BTC: variants seen among roughly 807,000 people sequenced by gnomAD.
BTC encodes probetacellulin.
BTC carries 13 observed loss-of-function variants against 18.1 expected under a neutral mutation model. That is an observed-to-expected ratio of 0.72 (90% CI 0.47 to 1.14). The LOEUF (loss-of-function observed/expected upper bound fraction) is 1.14. Among genes scored for constraint, BTC ranks in the 50% most tolerant of loss-of-function variants. The pLI is 0.00. For synonymous variants in BTC, 83 were observed against 79.4 expected (o/e 1.05, Z -0.24); for missense variants, 247 against 224.2 (o/e 1.10, Z -0.65).
intron 2 of BTC, among the ~76,000 whole-genome samples, chr4:74,767,970 G>C (rs1724944496): frequency 6.6e-6 from 1 of 152,038 alleles, no homozygotes; most frequent in African/African-American, 2.4e-5. Flanking sequence ...ATTGGTTTTG[G>C]CAATGATTTC....
chr4:74,777,977 C>G (rs556663004), intron 1 of BTC, among the ~76,000 whole-genome samples: 1 of 151,856 alleles, frequency 6.6e-6, no homozygotes, highest in African/African-American at 2.4e-5. Context: ...CTTAAATATG[C>G]ATACTATACA....
intron 1 of BTC, among the ~76,000 whole-genome samples, chr4:74,790,591 T>A (rs976797224): frequency 6.6e-6 from 1 of 152,116 alleles, no homozygotes; most frequent in Admixed American, 6.5e-5. Flanking sequence ...TGTCACCCCT[T>A]CTCCATCTGC....
At chr4:74,747,776 A>C (rs782080336) in intron 5 of BTC, among the ~76,000 whole-genome samples, 1 of 152,188 alleles carries the variant, frequency 6.6e-6, no homozygotes, top group South Asian at 2.1e-4. Context: ...TCCTGTGCCC[A>C]AAAATGAGAA....
chr4:74,761,209 G>A (rs1724748814), intron 2 of BTC, among the ~76,000 whole-genome samples: 1 of 152,048 alleles, frequency 6.6e-6, no homozygotes, highest in African/African-American at 2.4e-5. Flanking sequence ...GGAGGCAAAT[G>A]AAAATGAAGG....
intron 1 of BTC, among the ~76,000 whole-genome samples, chr4:74,784,636 G>C (rs1013015953): frequency 2.6e-5 from 4 of 152,078 alleles, no homozygotes; most frequent in African/African-American, 7.2e-5. Context: ...TAACACGAAG[G>C]GATGTTGAAT....
intron 2 of BTC, among the ~76,000 whole-genome samples, chr4:74,765,447 A>G (rs1454750178): frequency 6.6e-6 from 1 of 152,142 alleles, no homozygotes. Flanking sequence ...GAGCAAAAAG[A>G]ATAAAAAGAA....
intron 1 of BTC, among the ~76,000 whole-genome samples, chr4:74,786,807 A>G (rs1254948812): frequency 1.3e-5 from 2 of 152,140 alleles, no homozygotes; most frequent in African/African-American, 2.4e-5. Context: ...TCAATACAAA[A>G]CATGAGAAAT....
At chr4:74,766,867 A>C (rs1415296670) in intron 2 of BTC, among the ~76,000 whole-genome samples, 1 of 152,034 alleles carries the variant, frequency 6.6e-6, no homozygotes, top group Non-Finnish European at 1.5e-5. Flanking sequence ...ATTTTGACAA[A>C]ATTCAACACC....
Position 74,750,708 on chromosome 4 carries a change from C to A in BTC, c.293G>T (p.Gly98Val), listed in dbSNP as rs1186352394. Residue 98 changes from glycine to valine, a missense_variant, in exon 4 of 6, where the codon GGC becomes GTC. Gly to Val is a moderately radical substitution (Grantham distance 109, BLOSUM62 -3). Coordinates refer to ENST00000395743, the MANE Select transcript of BTC (RefSeq NM_001729.4). ...TCTCTCACACCTTGCTCCAATGTAG[C>A]CTTCATCACAGCTATAAAACAAGAC... ...EQTPSCVCDE[G>V]YIGARCERVD... 2 of 1,613,156 alleles carry A rather than the reference C, an allele frequency of 1.2e-6. No individual in the cohort carries two copies. The highest frequency in any genetic ancestry group is 2.2e-5 in the East Asian group (1 of 44,832).
chr4:74,767,634 CAA>C (rs938704958), intron 2 of BTC, among the ~76,000 whole-genome samples: 2 of 151,836 alleles, frequency 1.3e-5, no homozygotes, highest in Non-Finnish European at 2.9e-5. Flanking sequence ...TGAGCAAGAA[CAA>C]AGTTGGAGGT....
At chr4:74,767,070 C>A (rs1404313559) in intron 2 of BTC, among the ~76,000 whole-genome samples, 1 of 151,618 alleles carries the variant, frequency 6.6e-6, no homozygotes, top group Non-Finnish European at 1.5e-5. Context: ...AAGTCCTAAC[C>A]AGAGCAATTA....
chr4:74,765,575 A>C (rs905724210), intron 2 of BTC, among the ~76,000 whole-genome samples: 1 of 152,174 alleles, frequency 6.6e-6, no homozygotes, highest in South Asian at 2.1e-4. Flanking sequence ...TTATTCAAAG[A>C]AATAATGCCC....
At chr4:74,771,494 G>C (rs2109901755) in intron 1 of BTC, among the ~76,000 whole-genome samples, 1 of 152,280 alleles carries the variant, frequency 6.6e-6, no homozygotes, top group East Asian at 1.9e-4. Flanking sequence ...AGATCCTCAA[G>C]TTGCCCCCAA....
intron 1 of BTC, among the ~76,000 whole-genome samples, chr4:74,780,156 C>A (rs1456423146): frequency 6.6e-6 from 1 of 152,010 alleles, no homozygotes; most frequent in African/African-American, 2.4e-5. Context: ...TGAAATAATT[C>A]AATTGATTTC....
At chr4:74,753,934 G>T (rs1223999290) in intron 3 of BTC, among the ~76,000 whole-genome samples, 4 of 152,144 alleles carry the variant, frequency 2.6e-5, no homozygotes, top group Non-Finnish European at 5.9e-5. Context: ...CTTGCTCTTT[G>T]CTGGGTACCA....
At chr4:74,758,579 A>G (rs1000863928) in intron 2 of BTC, among the ~76,000 whole-genome samples, 1 of 152,196 alleles carries the variant, frequency 6.6e-6, no homozygotes, top group Non-Finnish European at 1.5e-5. Context: ...TCATTTGGCT[A>G]TGTATCCTAA....
intron 3 of BTC, among the ~76,000 whole-genome samples, chr4:74,754,782 G>C (rs538391033): frequency 9.6e-4 from 146 of 152,206 alleles, no homozygotes; most frequent in Non-Finnish European, 1.8e-3. Context: ...ATTTTAGAGG[G>C]CAGCAATATC....
intron 3 of BTC, 27 bp downstream of exon 3, chr4:74,755,832 C>T (rs1471430538): frequency 1.2e-6 from 2 of 1,605,254 alleles, no homozygotes; most frequent in Middle Eastern, 1.6e-4. Flanking sequence ...CACCCTTTTG[C>T]TTGCTGGCTG....
At position 74,745,325 on chromosome 4, in the gene BTC, C is replaced by A. The variant is rs1461432558; in HGVS notation, c.*1352G>T. 2.0e-5 allele frequency: 3 copies of A among 152,204 alleles called. No homozygotes were observed. The highest frequency in any genetic ancestry group is 3.2e-3 in the Middle Eastern group (1 of 316). 9.4% of individuals were successfully genotyped at this position (152,204 alleles called of 1,614,324 possible). A position where few individuals can be genotyped will look rare whatever the true frequency, so the allele number is the denominator to read the frequency against. Reference sequence around the variant, plus strand: ...GCTAGAAGGTAATATGCGATTTCAGCATTTGTCTGAATTCTCCACTTCACT... The same window carrying A: ...GCTAGAAGGTAATATGCGATTTCAGAATTTGTCTGAATTCTCCACTTCACT... On this transcript the variant is annotated 3_prime_UTR_variant, in exon 6 of 6. Transcript: ENST00000395743.
Sources: allele counts gnomAD v4.1 joint callset (sites outside exome capture counted in the v4.1 genomes callset), GRCh38; gene constraint gnomAD v4.1.1; transcripts MANE v1.5; gene names NCBI Gene and HGNC (gene_info 2026-07-23, HGNC 2026-07-21).